NTNG1: variants seen among roughly 807,000 people sequenced by gnomAD.
NTNG1 encodes the protein netrin G1, also known as netrin-G1.
Under a neutral mutation model 54.0 loss-of-function variants are expected in NTNG1, and 16 were observed. The ratio of observed to expected loss-of-function variants is 0.30; its 90% confidence interval spans 0.20 to 0.45. The LOEUF (loss-of-function observed/expected upper bound fraction) is 0.45. Among genes scored for constraint, NTNG1 ranks in the 20% least tolerant of loss-of-function variants. The pLI is 1.00. For missense variants in NTNG1, 530 were observed against 678.7 expected (o/e 0.78, Z 2.43); for synonymous variants, 255 against 263.1 (o/e 0.97, Z 0.30).
chr1:107,331,053 T>G (rs766534443), intron 3 of NTNG1, among the ~76,000 whole-genome samples: 7 of 152,100 alleles, frequency 4.6e-5, no homozygotes, highest in Non-Finnish European at 8.8e-5. Flanking sequence ...ACAGGACACT[T>G]GTGAGGCAGG....
chr1:107,212,717 T>C (rs1203401666), intron 2 of NTNG1, among the ~76,000 whole-genome samples: 5 of 152,168 alleles, frequency 3.3e-5, no homozygotes, highest in Non-Finnish European at 2.9e-5. Flanking sequence ...ACTTCAACTG[T>C]GTATGACTTC....
intron 3 of NTNG1, among the ~76,000 whole-genome samples, chr1:107,370,241 A>T (rs1001293124): frequency 8.0e-5 from 8 of 100,110 alleles, no homozygotes; most frequent in Non-Finnish European, 1.2e-4. Flanking sequence ...TCAATTTCTT[A>T]AAAAAAAAAA....
chr1:107,412,759 T>C (rs1490718145), intron 5 of NTNG1, among the ~76,000 whole-genome samples: 1 of 152,146 alleles, frequency 6.6e-6, no homozygotes, highest in East Asian at 1.9e-4. Flanking sequence ...ACTATTCCTC[T>C]ACCACCAAAC....
At chr1:107,220,527 G>T (rs1361674639) in intron 2 of NTNG1, among the ~76,000 whole-genome samples, 2 of 152,192 alleles carry the variant, frequency 1.3e-5, no homozygotes, top group Non-Finnish European at 2.9e-5. Flanking sequence ...TTGCACATAT[G>T]CATGGCATAG....
intron 3 of NTNG1, among the ~76,000 whole-genome samples, chr1:107,340,289 C>T (rs141517516): frequency 6.6e-6 from 1 of 152,068 alleles, no homozygotes; most frequent in East Asian, 1.9e-4. Context: ...TAGGCATAAC[C>T]AGTGGAGGTG....
chr1:107,374,467 A>T (rs1671110504), intron 3 of NTNG1, among the ~76,000 whole-genome samples: 1 of 151,884 alleles, frequency 6.6e-6, no homozygotes, highest in Admixed American at 6.6e-5. Context: ...AACCATTTCT[A>T]TTGCTGTGTC....
At chr1:107,170,242 C>T (rs571079864) in intron 2 of NTNG1, among the ~76,000 whole-genome samples, 12 of 152,066 alleles carry the variant, frequency 7.9e-5, no homozygotes, top group African/African-American at 2.4e-4. Flanking sequence ...AGGCTTCTTA[C>T]GTAAAAATAA....
chr1:107,153,475 T>C (rs1266261058), intron 2 of NTNG1, among the ~76,000 whole-genome samples: 1 of 152,212 alleles, frequency 6.6e-6, no homozygotes, highest in Non-Finnish European at 1.5e-5. Flanking sequence ...TCATTTGAAC[T>C]GATTTATCCC....
At chr1:107,147,335 C>T (rs983353173) in intron 1 of NTNG1, among the ~76,000 whole-genome samples, 3 of 152,006 alleles carry the variant, frequency 2.0e-5, no homozygotes, top group Admixed American at 6.6e-5. Context: ...TTATAATATT[C>T]GCCTTTGGGA....
intron 2 of NTNG1, among the ~76,000 whole-genome samples, chr1:107,285,468 G>A (rs1002579764): frequency 6.6e-6 from 1 of 152,026 alleles, no homozygotes; most frequent in Non-Finnish European, 1.5e-5. Flanking sequence ...ATTCACACAA[G>A]GATTATTGAG....
chr1:107,209,286 G>T (rs1271168332), intron 2 of NTNG1, among the ~76,000 whole-genome samples: 2 of 151,602 alleles, frequency 1.3e-5, no homozygotes, highest in Non-Finnish European at 2.9e-5. Context: ...ACTTTTTTTG[G>T]TCTATTCAAG....
chr1:107,431,447 C>T (rs1196904981), intron 6 of NTNG1, among the ~76,000 whole-genome samples: 1 of 152,140 alleles, frequency 6.6e-6, no homozygotes. Flanking sequence ...TCATCCATAG[C>T]AATGAAATTC....
chr1:107,351,014 ATG>A (rs1213986179), intron 3 of NTNG1, among the ~76,000 whole-genome samples: 1 of 152,250 alleles, frequency 6.6e-6, no homozygotes, highest in Non-Finnish European at 1.5e-5. Context: ...AGAGGTAACT[ATG>A]TGAGGTTATG....
At chr1:107,257,906 T>C (rs1663031040) in intron 2 of NTNG1, among the ~76,000 whole-genome samples, 1 of 152,244 alleles carries the variant, frequency 6.6e-6, no homozygotes, top group African/African-American at 2.4e-5. Flanking sequence ...TTCCTTTTCA[T>C]GTTTCTCCTT....
intron 2 of NTNG1, among the ~76,000 whole-genome samples, chr1:107,150,337 G>T (rs977995683): frequency 6.6e-6 from 1 of 152,146 alleles, no homozygotes. Flanking sequence ...AGAGACATTT[G>T]TGGTGGCTTT....
intron 2 of NTNG1, among the ~76,000 whole-genome samples, chr1:107,178,429 T>G (rs1656813510): frequency 1.3e-5 from 2 of 152,174 alleles, no homozygotes; most frequent in African/African-American, 4.8e-5. Context: ...GCCACATGTT[T>G]ATGAGGTCAG....
intron 2 of NTNG1, among the ~76,000 whole-genome samples, chr1:107,236,310 A>G (rs1051136228): frequency 6.6e-6 from 1 of 152,228 alleles, no homozygotes; most frequent in Non-Finnish European, 1.5e-5. Flanking sequence ...CATCAAAGTT[A>G]TCCTTCAAAA....
chr1:107,250,245 T>C (rs1027303803), intron 2 of NTNG1, among the ~76,000 whole-genome samples: 2 of 152,218 alleles, frequency 1.3e-5, no homozygotes, highest in Non-Finnish European at 2.9e-5. Context: ...AAACCTCTTC[T>C]GGTAAAAATA....
intron 7 of NTNG1, among the ~76,000 whole-genome samples, chr1:107,439,815 G>T (rs547204988): frequency 3.1e-4 from 47 of 152,090 alleles, no homozygotes; most frequent in African/African-American, 1.1e-3. Context: ...ACTAGCACCT[G>T]CTCCAGGATT....
Sources: gnomAD v4.1 joint callset for allele counts (sites outside exome capture counted in the v4.1 genomes callset) on GRCh38, gnomAD v4.1.1 for gene constraint, MANE v1.5 for transcripts, NCBI Gene and HGNC (gene_info 2026-07-23, HGNC 2026-07-21) for gene names.